GCM1: variants seen among roughly 807,000 people sequenced by gnomAD.
The protein encoded by GCM1 is GCM transcription factor 1.
A neutral mutation model predicts 25.7 loss-of-function variants in GCM1; 2 were observed. The ratio of observed to expected loss-of-function variants is 0.08; its 90% CI spans 0.03 to 0.24. The LOEUF is 0.24. Among genes scored for constraint, GCM1 ranks in the 10% least tolerant of loss-of-function variants. The pLI is 1.00. For synonymous variants in GCM1, 183 were observed against 195.7 expected, an observed-to-expected ratio of 0.94 and a Z score of 0.54; for missense variants, 395 against 538.7, an observed-to-expected ratio of 0.73 and a Z score of 2.64.
chr6:53,132,708 T>C (rs902844190), intron 3 of GCM1, among the ~76,000 whole-genome samples: 2 of 152,056 alleles, frequency 1.3e-5, no homozygotes, highest in Admixed American at 1.3e-4. Flanking sequence ...TGAAAGTCTG[T>C]CTCAAAAATA....
Position 53,128,658 on chromosome 6 carries a change from C to T in GCM1, c.859G>A (p.Val287Ile), listed in dbSNP as rs1311228126. Reference sequence around the variant, plus strand: ...TGTAGATCGCCATGATCAGAGTAGACTCCGGAGGCAGAAGGAGGAAGCAGG... The same window carrying T: ...TGTAGATCGCCATGATCAGAGTAGATTCCGGAGGCAGAAGGAGGAAGCAGG... Reference protein sequence around the residue: ...GDLLPPSASGVYSDHGDLQAW... With the variant: ...GDLLPPSASGIYSDHGDLQAW... The change falls in exon 6 of 6, where the codon GTC (valine) becomes ATC (isoleucine). Residue 287 changes from valine (V) to isoleucine (I), a missense_variant. Physicochemically the swap from Val to Ile is conservative, Grantham distance 29. Coordinates refer to ENST00000259803, the MANE Select transcript of GCM1 (RefSeq NM_003643.4). The T allele has an allele frequency of 6.2e-7, 1 of 1,613,896 alleles. No homozygotes were observed. The highest frequency in any genetic ancestry group is 8.5e-7 in the Non-Finnish European group (1 of 1,179,890).
chr6:53,129,399 C>T (rs1188453354), intron 5 of GCM1, among the ~76,000 whole-genome samples: 1 of 151,822 alleles, frequency 6.6e-6, no homozygotes, highest in Admixed American at 6.6e-5. Flanking sequence ...CTCAGCCTCT[C>T]AATAGCTGGG....
In GCM1 at chr6:53,128,028, C is replaced by CAAAAAAAAAAAAA. The variant is rs1223691364; in HGVS notation, c.*165_*177dup. The stretch of plus-strand genomic sequence containing the variant: ...TGGGCAAAAGAGCAAGACTCTGTCT[C>CAAAAAAAAAAAAA]AAAAAAAAAAAAAAAAAAAAAAAAA... On this transcript the variant is annotated 3_prime_UTR_variant, in exon 6 of 6. Coordinates refer to ENST00000259803, the MANE Select transcript of GCM1 (RefSeq NM_003643.4). 3.1e-3 allele frequency: 209 copies of CAAAAAAAAAAAAA among 66,376 alleles called. 2 individuals carry two copies. The highest frequency in any genetic ancestry group is 9.6e-3 in the Middle Eastern group (1 of 104). The allele number at this position is 66,376 out of a possible 1,614,324, so 4.1% of individuals were successfully genotyped here. A position where few individuals can be genotyped will look rare whatever the true frequency, so the allele number is the denominator to read the frequency against.
At chr6:53,135,304 A>C (rs911932776) in intron 2 of GCM1, among the ~76,000 whole-genome samples, 1 of 152,196 alleles carries the variant, frequency 6.6e-6, no homozygotes, top group Non-Finnish European at 1.5e-5. Context: ...GACCAAAATA[A>C]AATAATAATT....
intron 1 of GCM1, among the ~76,000 whole-genome samples, chr6:53,146,509 C>G (rs1005370297): frequency 5.3e-5 from 8 of 151,912 alleles, no homozygotes; most frequent in African/African-American, 1.9e-4. Flanking sequence ...CGTGAGCCAC[C>G]GCACCCGGCC....
In GCM1 at chr6:53,131,638, G is replaced by A. The variant is rs115110079; in HGVS notation, c.441+369C>T. ...TACACATTCTACAGAAAACTGGGAC[G>A]TGGAAGAGGAAAATCACCTGCTCAG... On this transcript the variant is annotated intron_variant, in intron 4 of 5. Transcript: ENST00000259803. 1.8e-3 allele frequency among the ~76,000 whole-genome samples: 273 copies of A among 152,290 alleles called. 1 individual carries two copies. Among genetic ancestry groups the A allele is most frequent in the Non-Finnish European group, 3.5e-3 (235 of 68,018 alleles).
Position 53,128,329 on chromosome 6 carries a change from A to T in GCM1, c.1188T>A (p.His396Gln), listed in dbSNP as rs1763673440. 3 of 1,613,938 alleles carry T rather than the reference A, an allele frequency of 1.9e-6. No homozygotes were observed. The highest frequency in any genetic ancestry group is 2.5e-6 in the Non-Finnish European group (3 of 1,179,970). Residue 396 changes from histidine (H) to glutamine (Q), a missense_variant, in exon 6 of 6, where the codon CAT becomes CAA. Transcript: ENST00000259803. The part of the protein sequence containing the change: ...EDPFLFTYAS[H>Q]PHQQYSLPSK... ...TTGGCAGTGAATATTGCTGATGAGG[A>T]TGAGAGGCGTAGGTGAAGAGAAAGG... is the stretch of plus-strand genomic sequence containing the variant.
chr6:53,139,955 C>A (rs1459254093), intron 2 of GCM1, among the ~76,000 whole-genome samples: 1 of 152,176 alleles, frequency 6.6e-6, no homozygotes, highest in Admixed American at 6.5e-5. Flanking sequence ...AGCTTTCAAA[C>A]CCCGTCTGTC....
intron 2 of GCM1, among the ~76,000 whole-genome samples, chr6:53,142,870 CAAA>C (rs60718730): frequency 2.9e-4 from 11 of 37,508 alleles, no homozygotes; most frequent in African/African-American, 4.3e-4. Context: ...CAAGGATCTC[CAAA>C]AAAAAAAAAA....
intron 4 of GCM1, 125 bp from the exon 5 acceptor site, chr6:53,131,056 A>G: frequency 1.2e-6 from 1 of 856,994 alleles, no homozygotes; most frequent in Non-Finnish European, 1.9e-6. Context: ...GCCTATGGTA[A>G]CCAGACTGGA....
chr6:53,142,544 A>C (rs1029727882), intron 2 of GCM1, among the ~76,000 whole-genome samples: 1 of 152,172 alleles, frequency 6.6e-6, no homozygotes, highest in African/African-American at 2.4e-5. Context: ...GAATATATTT[A>C]GGGAACACTA....
rs1763674197 is a variant in GCM1 at position 53,128,356 on chromosome 6, G to A, written c.1161C>T (p.Asp387=). ...QSPAYHSPQE[D]PFLFTYASHP... ...GAGAGGCGTAGGTGAAGAGAAAGGG[G>A]TCTTCTTGAGGTGAATGGTATGCAG... Residue 387 remains aspartate (D), a synonymous_variant, in exon 6 of 6, where the codon GAC becomes GAT. Coordinates refer to ENST00000259803, the MANE Select transcript of GCM1 (RefSeq NM_003643.4). 1 of 1,613,862 alleles carries A rather than the reference G, an allele frequency of 6.2e-7. No individual in the cohort carries two copies. Among genetic ancestry groups the A allele is most frequent in the Non-Finnish European group, 8.5e-7 (1 of 1,179,748 alleles).
chr6:53,144,089 A>G (rs140107958), intron 2 of GCM1, among the ~76,000 whole-genome samples: 2 of 152,288 alleles, frequency 1.3e-5, no homozygotes, highest in African/African-American at 2.4e-5. Context: ...AGCATCTTAA[A>G]TGTTAACAAA....
At chr6:53,140,216 C>A (rs1763855318) in intron 2 of GCM1, among the ~76,000 whole-genome samples, 1 of 152,162 alleles carries the variant, frequency 6.6e-6, no homozygotes, top group Non-Finnish European at 1.5e-5. Flanking sequence ...GAATCCCCAT[C>A]AGAACAATGA....
rs1451956132 is a variant in GCM1 at position 53,127,937 on chromosome 6, G to C, written c.*269C>G. 4.2e-6 allele frequency: 1 copy of C among 239,588 alleles called. No individual in the cohort carries two copies. The highest frequency in any genetic ancestry group is 7.6e-6 in the Non-Finnish European group (1 of 132,326). The allele number at this position is 239,588 out of a possible 1,614,324, so 14.8% of individuals were successfully genotyped here. A position where few individuals can be genotyped will look rare whatever the true frequency, so the allele number is the denominator to read the frequency against. On this transcript the variant is annotated 3_prime_UTR_variant, in exon 6 of 6. Transcript: ENST00000259803. ...CCAGCTACTCGGGAGGCTGACGCAG[G>C]AGAATCACTCAAACCCGGGAGGCAG...
intron 2 of GCM1, among the ~76,000 whole-genome samples, chr6:53,143,045 G>T (rs1763903937): frequency 6.6e-6 from 1 of 152,082 alleles, no homozygotes; most frequent in African/African-American, 2.4e-5. Context: ...AAGAGCTCAA[G>T]TGTTTCTTGG....
chr6:53,145,902 G>A (rs9370179), intron 1 of GCM1, 134 bp from the exon 2 acceptor site: 62,948 of 366,636 alleles, frequency 0.17, 6,579 homozygotes, highest in African/African-American at 0.34. Context: ...CAAAACATAG[G>A]AGCCATAAGT....
Position 53,130,863 on chromosome 6 carries a change from C to G in GCM1, c.510G>C (p.Lys170Asn). The G allele has an allele frequency of 6.2e-7, 1 of 1,613,862 alleles. No individual in the cohort carries two copies. ...KLEAEARRAM[K>N]KVNTAPSSVS... ...CGGAGGAAGGTGCTGTGTTCACTTT[C>G]TTCATGGCTCTTCTTGCCTCAGCTT... Residue 170 changes from lysine (K) to asparagine (N), a missense_variant, in exon 5 of 6, where the codon AAG becomes AAC. By Grantham distance (94) the Lys-to-Asn change is moderately conservative. Around this residue, in one of 5 missense-constraint regions of GCM1, gnomAD observed 291 missense variants for 314.6 expected, o/e 0.92. Transcript: ENST00000259803.
chr6:53,138,114 T>C (rs1763824451), intron 2 of GCM1, among the ~76,000 whole-genome samples: 1 of 151,866 alleles, frequency 6.6e-6, no homozygotes, highest in Admixed American at 6.6e-5. Flanking sequence ...AAACCCCATC[T>C]CTATCAAAAA....
Sources: allele counts gnomAD v4.1 joint callset (sites outside exome capture counted in the v4.1 genomes callset), GRCh38; gene constraint gnomAD v4.1.1; regional missense constraint gnomAD v4.1.1; transcripts MANE v1.5; gene names NCBI Gene and HGNC (gene_info 2026-07-23, HGNC 2026-07-21).